GALNT11: variants seen among roughly 807,000 people sequenced by gnomAD.
GALNT11 encodes the protein polypeptide N-acetylgalactosaminyltransferase 11, also known as UDP-GalNAc:polypeptide N-acetylgalactosaminyltransferase 11.
In GALNT11, 47 loss-of-function variants were observed where a neutral mutation model predicts 72.7. The ratio of observed to expected loss-of-function variants is 0.65; its 90% CI spans 0.51 to 0.82. The LOEUF is 0.82. GALNT11 is among the 40% of genes least tolerant of loss of function. The probability of loss-of-function intolerance (pLI) is 0.00; values close to 1 mark genes in which losing one functional copy is unlikely to be tolerated. For missense variants in GALNT11, 677 were observed against 778.4 expected (o/e 0.87, Z 1.55); for synonymous variants, 270 against 286.6 (o/e 0.94, Z 0.58).
chr7:152,037,800 G>C (rs1384053987), intron 1 of GALNT11, among the ~76,000 whole-genome samples: 1 of 151,664 alleles, frequency 6.6e-6, no homozygotes, highest in Admixed American at 6.6e-5. Context: ...AGAGAGTCTT[G>C]CTTTGTCACC....
At chr7:152,074,516 C>G (rs2084836888) in intron 1 of GALNT11, 1 of 152,154 alleles carries the variant, frequency 6.6e-6, no homozygotes, top group South Asian at 2.1e-4. Flanking sequence ...TATGCCAGTA[C>G]CATGTTGTTT....
intron 2 of GALNT11, 60 bp from the exon 3 acceptor site, chr7:152,100,738 G>A (rs28473773): frequency 7.0e-6 from 11 of 1,581,990 alleles, no homozygotes; most frequent in African/African-American, 5.4e-5. Flanking sequence ...TCATAATATC[G>A]TTAACAGTAA....
chr7:152,058,587 C>G (rs764333646), intron 1 of GALNT11, among the ~76,000 whole-genome samples: 4 of 152,140 alleles, frequency 2.6e-5, no homozygotes, highest in Non-Finnish European at 5.9e-5. Flanking sequence ...CCGCCTGTCT[C>G]GGCCTCCCAA....
In GALNT11 at chr7:152,042,302, C is replaced by G. The variant is rs185983520; in HGVS notation, c.-39+16418C>G. On this transcript the variant is annotated intron_variant, in intron 1 of 11. Transcript: ENST00000430044. ...GAGAAGGCAATCTTGGCTGTAATGT[C>G]CCCATAGGTTGTATAACTGAATTAA... 6.4e-4 allele frequency among the ~76,000 whole-genome samples: 97 copies of G among 152,252 alleles called. 1 individual carries two copies. The highest frequency in any genetic ancestry group is 2.0e-3 in the African/African-American group (82 of 41,546).
At chr7:152,060,380 C>T (rs188704197) in intron 1 of GALNT11, among the ~76,000 whole-genome samples, 20 of 152,262 alleles carry the variant, frequency 1.3e-4, no homozygotes, top group East Asian at 7.7e-4. Context: ...TTTTCCTTTG[C>T]GTTCACAACT....
chr7:152,085,986 C>CA (rs753397352), intron 1 of GALNT11, among the ~76,000 whole-genome samples: 6 of 151,790 alleles, frequency 4.0e-5, no homozygotes, highest in Non-Finnish European at 8.8e-5. Flanking sequence ...GTCCCTGGTT[C>CA]AAGCGATTCT....
At position 152,063,968 on chromosome 7, in the gene GALNT11, A is replaced by G. The variant is rs139072694; in HGVS notation, c.-38-30222A>G. Among the ~76,000 whole-genome samples the G allele has an allele frequency of 1.7e-3, 261 of 152,328 alleles. 1 individual carries two copies. Among genetic ancestry groups the G allele is most frequent in the African/African-American group, 6.0e-3 (248 of 41,570 alleles). ...TGGGTAGAGAGTTCTGTAGATGTCT[A>G]TTAAGTCCGCTTAGTGCAGAGCTGA... On this transcript the variant is annotated intron_variant, in intron 1 of 11. Transcript: ENST00000430044.
chr7:152,106,925 C>G (rs2087624152), intron 5 of GALNT11, among the ~76,000 whole-genome samples: 1 of 152,138 alleles, frequency 6.6e-6, no homozygotes, highest in Admixed American at 6.6e-5. Context: ...CTCACCTCAC[C>G]CCCACTGATG....
At chr7:152,111,306 C>T (rs142255457) in intron 7 of GALNT11, among the ~76,000 whole-genome samples, 46 of 151,964 alleles carry the variant, frequency 3.0e-4, no homozygotes, top group African/African-American at 1.0e-3. Context: ...AGGCGCATGC[C>T]GCCACACCTG....
At chr7:152,026,589 C>T (rs2082025780) in intron 1 of GALNT11, among the ~76,000 whole-genome samples, 1 of 152,256 alleles carries the variant, frequency 6.6e-6, no homozygotes, top group South Asian at 2.1e-4. Flanking sequence ...GCATGTCTGA[C>T]GGCTTCCTCT....
intron 1 of GALNT11, among the ~76,000 whole-genome samples, chr7:152,052,052 C>G (rs534453917): frequency 1.3e-5 from 2 of 152,098 alleles, no homozygotes; most frequent in Non-Finnish European, 2.9e-5. Context: ...TTTTCCCAGC[C>G]CCTTTCTGTT....
chr7:152,026,317 C>G (rs925532889), intron 1 of GALNT11, among the ~76,000 whole-genome samples: 4 of 152,182 alleles, frequency 2.6e-5, no homozygotes, highest in African/African-American at 9.7e-5. Context: ...CTCGGGACCC[C>G]AAATCACTAA....
chr7:152,084,723 G>A (rs534278608), intron 1 of GALNT11, among the ~76,000 whole-genome samples: 1 of 152,192 alleles, frequency 6.6e-6, no homozygotes, highest in Admixed American at 6.6e-5. Flanking sequence ...AACCTCTTCT[G>A]GAACAGAAAT....
intron 2 of GALNT11, among the ~76,000 whole-genome samples, chr7:152,097,988 G>T (rs1397481102): frequency 6.6e-6 from 1 of 152,078 alleles, no homozygotes; most frequent in Non-Finnish European, 1.5e-5. Context: ...TTTATGTTAC[G>T]TGCATAATTA....
chr7:152,026,547 T>C (rs2151969697), intron 1 of GALNT11, among the ~76,000 whole-genome samples: 1 of 152,354 alleles, frequency 6.6e-6, no homozygotes, highest in Middle Eastern at 3.4e-3. Context: ...GGGACAGAAC[T>C]CAAGTCATCC....
chr7:152,035,104 G>A (rs1198477695), intron 1 of GALNT11, among the ~76,000 whole-genome samples: 1 of 152,142 alleles, frequency 6.6e-6, no homozygotes, highest in Non-Finnish European at 1.5e-5. Flanking sequence ...ATACAAGAAT[G>A]TCATTTCTGA....
chr7:152,090,962 G>A (rs955906569), intron 1 of GALNT11, among the ~76,000 whole-genome samples: 7 of 152,206 alleles, frequency 4.6e-5, no homozygotes, highest in African/African-American at 7.2e-5. Flanking sequence ...CTGAGTGCCC[G>A]GACTTTGCCT....
chr7:152,084,402 AAAC>A (rs915367188), intron 1 of GALNT11, among the ~76,000 whole-genome samples: 1 of 151,364 alleles, frequency 6.6e-6, no homozygotes, highest in African/African-American at 2.4e-5. Context: ...AAAAAAAAAA[AAAC>A]TTTTACATTT....
At chr7:152,076,052 ACTC>A in intron 1 of GALNT11, among the ~76,000 whole-genome samples, 1 of 118,802 alleles carries the variant, frequency 8.4e-6, no homozygotes, top group South Asian at 3.2e-4. Flanking sequence ...ACAGAGCGAG[ACTC>A]CGTCTCAAAA....
Sources: allele counts gnomAD v4.1 joint callset (sites outside exome capture counted in the v4.1 genomes callset), GRCh38; gene constraint gnomAD v4.1.1; transcripts MANE v1.5; gene names NCBI Gene and HGNC (gene_info 2026-07-23, HGNC 2026-07-21).